The following TAFA1 variants were observed in gnomAD, a reference collection of about 807,000 sequenced individuals.
TAFA1 encodes the protein chemokine-like protein TAFA-1.
TAFA1 carries 4 observed loss-of-function variants against 18.5 expected under a neutral mutation model. The observed-to-expected ratio is 0.22, with a 90% CI of 0.11 to 0.49. The LOEUF is 0.49. Among genes scored for constraint, TAFA1 ranks in the 20% least tolerant of loss-of-function variants. TAFA1 has a pLI of 0.98. For missense variants in TAFA1, 147 were observed against 169.0 expected (o/e 0.87, Z 0.72); for synonymous variants, 56 against 55.2 (o/e 1.01, Z -0.06).
At chr3:68,293,909 A>G (rs73099610) in intron 2 of TAFA1, among the ~76,000 whole-genome samples, 3,532 of 152,266 alleles carry the variant, frequency 0.023, 67 homozygotes, top group Middle Eastern at 0.075. Flanking sequence ...AACCTTGTCA[A>G]AAAACACAAA....
At chr3:68,067,322 C>T (rs1349475428) in intron 2 of TAFA1, among the ~76,000 whole-genome samples, 2 of 152,154 alleles carry the variant, frequency 1.3e-5, no homozygotes, top group Non-Finnish European at 2.9e-5. Context: ...ATTCCTTCAT[C>T]ATTTTTTCAT....
chr3:68,457,894 A>T (rs2071694506), intron 3 of TAFA1, among the ~76,000 whole-genome samples: 1 of 152,146 alleles, frequency 6.6e-6, no homozygotes. Flanking sequence ...TTTAACAAAC[A>T]TCTTGTGATT....
chr3:68,161,361 G>T (rs1417485765), intron 2 of TAFA1, among the ~76,000 whole-genome samples: 2 of 152,118 alleles, frequency 1.3e-5, no homozygotes, highest in Non-Finnish European at 2.9e-5. Context: ...TACAGTGGGG[G>T]TTCTCAAAGA....
At chr3:68,283,915 T>C (rs74549780) in intron 2 of TAFA1, among the ~76,000 whole-genome samples, 2,419 of 152,318 alleles carry the variant, frequency 0.016, 78 homozygotes, top group East Asian at 0.13. Context: ...TCACATCCCG[T>C]CAAGTTAAGT....
chr3:68,526,750 C>A (rs2073116131), intron 3 of TAFA1, among the ~76,000 whole-genome samples: 1 of 151,728 alleles, frequency 6.6e-6, no homozygotes, highest in African/African-American at 2.4e-5. Context: ...AAGAAAAATA[C>A]CAAAGTGTAA....
At chr3:68,404,995 T>A (rs1289409390) in intron 2 of TAFA1, among the ~76,000 whole-genome samples, 3 of 152,122 alleles carry the variant, frequency 2.0e-5, no homozygotes, top group Non-Finnish European at 4.4e-5. Flanking sequence ...GTTCCATTTT[T>A]TCCATTGGAA....
At chr3:67,994,892 A>G in the TAFA1 span, among the ~76,000 whole-genome samples, 1 of 152,156 alleles carries the variant, frequency 6.6e-6, no homozygotes, top group Non-Finnish European at 1.5e-5. Flanking sequence ...TATAGGAAAG[A>G]CTTCTGGAAC....
At chr3:68,155,000 G>A (rs9809442) in intron 2 of TAFA1, among the ~76,000 whole-genome samples, 51,274 of 151,980 alleles carry the variant, frequency 0.34, 10,390 homozygotes, top group Admixed American at 0.48. Flanking sequence ...TACTTATATC[G>A]GGGTTATGCC....
At chr3:68,237,538 A>T (rs114480325) in intron 2 of TAFA1, among the ~76,000 whole-genome samples, 1,682 of 152,294 alleles carry the variant, frequency 0.011, 32 homozygotes, top group African/African-American at 0.037. Context: ...CAAGGCATGT[A>T]TGTATGAATT....
chr3:68,023,466 G>C (rs1704742339), intron 2 of TAFA1, among the ~76,000 whole-genome samples: 1 of 152,106 alleles, frequency 6.6e-6, no homozygotes, highest in Admixed American at 6.6e-5. Flanking sequence ...GCTTAACCCG[G>C]TAGCAAGGGG....
intron 2 of TAFA1, among the ~76,000 whole-genome samples, chr3:68,236,904 A>G (rs1033093051): frequency 6.6e-6 from 1 of 152,224 alleles, no homozygotes; most frequent in Admixed American, 6.5e-5. Flanking sequence ...ATAAGAGCTC[A>G]TAAAACATGT....
chr3:68,457,078 A>G (rs1022312475), intron 3 of TAFA1, among the ~76,000 whole-genome samples: 9 of 152,328 alleles, frequency 5.9e-5, no homozygotes, highest in Middle Eastern at 3.4e-3. Context: ...TCACTTGGAG[A>G]TAATTAGAGT....
intron 2 of TAFA1, among the ~76,000 whole-genome samples, chr3:68,383,565 C>G (rs980387906): frequency 6.6e-6 from 1 of 152,106 alleles, no homozygotes; most frequent in Non-Finnish European, 1.5e-5. Context: ...TTACGATGTG[C>G]TGCTGGATTC....
intron 2 of TAFA1, among the ~76,000 whole-genome samples, chr3:68,228,954 A>G (rs2066836628): frequency 6.6e-6 from 1 of 152,216 alleles, no homozygotes; most frequent in African/African-American, 2.4e-5. Context: ...TTTAAAGAGC[A>G]AAGATTGCTC....
chr3:68,532,757 C>T lies in TAFA1; in HGVS notation c.260-5999C>T, dbSNP rs371832522. 2.6e-3 allele frequency among the ~76,000 whole-genome samples: 397 copies of T among 151,990 alleles called. 3 individuals are homozygous for T. Among genetic ancestry groups the T allele is most frequent in the African/African-American group, 9.2e-3 (382 of 41,462 alleles). Reference sequence around the variant, plus strand: ...CAATAACCTGAAGGTTTTCAGGTAGCTTTCAGTTTGGGTGAAGAGGAGGCA... The same window carrying T: ...CAATAACCTGAAGGTTTTCAGGTAGTTTTCAGTTTGGGTGAAGAGGAGGCA... On this transcript the variant is annotated intron_variant, in intron 3 of 4. Transcript: ENST00000478136.
chr3:68,193,958 A>G (rs1559554267), intron 2 of TAFA1, among the ~76,000 whole-genome samples: 1 of 151,746 alleles, frequency 6.6e-6, no homozygotes, highest in Non-Finnish European at 1.5e-5. Flanking sequence ...TTTAAGCTTT[A>G]GGCCTAGATA....
intron 2 of TAFA1, among the ~76,000 whole-genome samples, chr3:68,193,762 C>G (rs1003783538): frequency 2.0e-5 from 3 of 151,336 alleles, no homozygotes; most frequent in Non-Finnish European, 4.4e-5. Context: ...AAAAAATGAA[C>G]AGGTCTCTTC....
chr3:68,394,928 C>A lies in TAFA1; in HGVS notation c.119-22352C>A, dbSNP rs568023076. 3.1e-3 allele frequency among the ~76,000 whole-genome samples: 474 copies of A among 152,236 alleles called. 7 individuals carry two copies. Among genetic ancestry groups the A allele is most frequent in the African/African-American group, 0.011 (442 of 41,546 alleles). On this transcript the variant is annotated intron_variant, in intron 2 of 4. Transcript: ENST00000478136. ...GACTAAACACCAAAAGCAATTGCAACAAAAGCCACAATTGACAAATGGGAT... is the reference window on the plus strand; with the variant it reads ...GACTAAACACCAAAAGCAATTGCAAAAAAAGCCACAATTGACAAATGGGAT...
rs7635213 is a variant in TAFA1 at position 68,139,253 on chromosome 3, G to T, written c.118+132509G>T. ...TCAATTAACTTTAGAAAGTAATTGT[G>T]TATTTAAATAGCAGTAAGAGGAGAA... On this transcript the variant is annotated intron_variant, in intron 2 of 4. Coordinates refer to ENST00000478136, the MANE Select transcript of TAFA1 (RefSeq NM_213609.4). Among the ~76,000 whole-genome samples the T allele has an allele frequency of 4.3e-3, 650 of 152,256 alleles. 5 individuals are homozygous for T. The highest frequency in any genetic ancestry group is 0.014 in the African/African-American group (597 of 41,546).
Sources: allele counts gnomAD v4.1 joint callset (sites outside exome capture counted in the v4.1 genomes callset), GRCh38; gene constraint gnomAD v4.1.1; transcripts MANE v1.5; gene names NCBI Gene and HGNC (gene_info 2026-07-23, HGNC 2026-07-21).